KCNIP4: variants seen among roughly 807,000 people sequenced by gnomAD.
KCNIP4 encodes potassium voltage-gated channel interacting protein 4, also known as Kv channel-interacting protein 4.
KCNIP4 carries 12 observed loss-of-function variants against 34.0 expected under a neutral mutation model. The ratio of observed to expected loss-of-function variants is 0.35; its 90% CI spans 0.23 to 0.57. The LOEUF is 0.57. KCNIP4 is among the 20% of genes least tolerant of loss of function. The pLI is 0.83. For synonymous variants in KCNIP4, 124 were observed against 102.2 expected, an observed-to-expected ratio of 1.21 and a Z score of -1.29; for missense variants, 238 against 311.7, an observed-to-expected ratio of 0.76 and a Z score of 1.78.
At chr4:21,723,288 G>T (rs947455777) in intron 1 of KCNIP4, among the ~76,000 whole-genome samples, 35 of 152,088 alleles carry the variant, frequency 2.3e-4, no homozygotes, top group African/African-American at 8.4e-4. Context: ...CCTTTGAGTG[G>T]ACAGGGTCCC....
intron 1 of KCNIP4, among the ~76,000 whole-genome samples, chr4:21,176,764 A>G (rs1754442865): frequency 6.6e-6 from 1 of 152,066 alleles, no homozygotes; most frequent in South Asian, 2.1e-4. Flanking sequence ...TGGGTGACCC[A>G]CCCACCTCGG....
chr4:21,212,867 T>C (rs1341261109), intron 1 of KCNIP4, among the ~76,000 whole-genome samples: 2 of 152,194 alleles, frequency 1.3e-5, no homozygotes, highest in Admixed American at 6.5e-5. Flanking sequence ...TTCAGACCAC[T>C]GCAATATCTA....
intron 1 of KCNIP4, among the ~76,000 whole-genome samples, chr4:21,521,106 T>A (rs1735486374): frequency 6.6e-6 from 1 of 152,142 alleles, no homozygotes; most frequent in Non-Finnish European, 1.5e-5. Context: ...ACACCCAGCT[T>A]TGAAACACAG....
At chr4:21,439,078 C>T (rs1380037507) in intron 1 of KCNIP4, among the ~76,000 whole-genome samples, 9 of 149,974 alleles carry the variant, frequency 6.0e-5, no homozygotes, top group Non-Finnish European at 1.0e-4. Flanking sequence ...AGGAGAATGG[C>T]GTGAACCTGG....
At chr4:21,942,020 G>A (rs1282126186) in intron 1 of KCNIP4, among the ~76,000 whole-genome samples, 1 of 152,138 alleles carries the variant, frequency 6.6e-6, no homozygotes, top group Non-Finnish European at 1.5e-5. Context: ...TACAGCCACA[G>A]CAATGACAGC....
intron 1 of KCNIP4, among the ~76,000 whole-genome samples, chr4:21,819,023 C>G (rs998068650): frequency 1.3e-5 from 2 of 152,190 alleles, no homozygotes; most frequent in East Asian, 1.9e-4. Flanking sequence ...AGCATGACCA[C>G]ACTTTAAGCC....
intron 1 of KCNIP4, among the ~76,000 whole-genome samples, chr4:21,456,947 A>G (rs1008243097): frequency 6.6e-6 from 1 of 152,040 alleles, no homozygotes; most frequent in African/African-American, 2.4e-5. Context: ...GCTCCAGGCT[A>G]TCTTGAGCTG....
At chr4:21,754,027 A>T (rs1268491996) in intron 1 of KCNIP4, among the ~76,000 whole-genome samples, 4 of 152,214 alleles carry the variant, frequency 2.6e-5, no homozygotes, top group Admixed American at 6.5e-5. Flanking sequence ...CCAACGAATG[A>T]GACAGAAGTG....
chr4:21,231,107 C>A (rs1248936592), intron 1 of KCNIP4, among the ~76,000 whole-genome samples: 1 of 152,144 alleles, frequency 6.6e-6, no homozygotes, highest in Non-Finnish European at 1.5e-5. Context: ...TGTACATCCT[C>A]ATTCTTAATT....
At chr4:21,492,867 C>T (rs1162959912) in intron 1 of KCNIP4, among the ~76,000 whole-genome samples, 2 of 152,140 alleles carry the variant, frequency 1.3e-5, no homozygotes, top group Admixed American at 6.5e-5. Context: ...AATGTCTCCC[C>T]TGCAGTTTCC....
At chr4:21,828,566 C>T (rs1441552621) in intron 1 of KCNIP4, among the ~76,000 whole-genome samples, 9 of 151,562 alleles carry the variant, frequency 5.9e-5, no homozygotes, top group Non-Finnish European at 1.0e-4. Context: ...TGGCAGTAAA[C>T]CTAAAAAATG....
chr4:20,920,718 A>G (rs1258335796), intron 1 of KCNIP4, among the ~76,000 whole-genome samples: 1 of 152,170 alleles, frequency 6.6e-6, no homozygotes, highest in Non-Finnish European at 1.5e-5. Context: ...GGGGCCGGGC[A>G]CGGTGGCTCA....
At chr4:21,820,148 G>A (rs1455117783) in intron 1 of KCNIP4, among the ~76,000 whole-genome samples, 1 of 151,180 alleles carries the variant, frequency 6.6e-6, no homozygotes, top group South Asian at 2.1e-4. Context: ...AAAATTAGAT[G>A]TCTCCTTGAA....
chr4:20,798,259 G>C (rs1713740404), intron 3 of KCNIP4, among the ~76,000 whole-genome samples: 1 of 152,166 alleles, frequency 6.6e-6, no homozygotes, highest in Non-Finnish European at 1.5e-5. Flanking sequence ...TACACATACT[G>C]CAGATACTCT....
chr4:21,151,502 C>T (rs1752758632), intron 1 of KCNIP4, among the ~76,000 whole-genome samples: 1 of 146,222 alleles, frequency 6.8e-6, no homozygotes, highest in East Asian at 2.0e-4. Flanking sequence ...GTGGCCTCTC[C>T]TGCTTTGCAG....
chr4:21,876,158 T>C (rs1317806104), intron 1 of KCNIP4, among the ~76,000 whole-genome samples: 1 of 152,180 alleles, frequency 6.6e-6, no homozygotes, highest in Non-Finnish European at 1.5e-5. Context: ...AATTGTGACA[T>C]AGTGATACAC....
intron 5 of KCNIP4, among the ~76,000 whole-genome samples, chr4:20,738,002 C>G (rs1222155145): frequency 6.6e-6 from 1 of 151,960 alleles, no homozygotes; most frequent in African/African-American, 2.4e-5. Context: ...TATGGTGGTG[C>G]ACACCTGTTG....
At chr4:21,177,719 G>C (rs1754519174) in intron 1 of KCNIP4, among the ~76,000 whole-genome samples, 1 of 151,566 alleles carries the variant, frequency 6.6e-6, no homozygotes, top group Non-Finnish European at 1.5e-5. Context: ...AAATTAGCCG[G>C]GCATGGTGGT....
At chr4:21,212,638 T>C (rs964699989) in intron 1 of KCNIP4, among the ~76,000 whole-genome samples, 4 of 152,144 alleles carry the variant, frequency 2.6e-5, no homozygotes, top group Non-Finnish European at 5.9e-5. Context: ...CTGGCAGATA[T>C]GGCATCTGGT....
Sources: gnomAD v4.1 joint callset for allele counts (sites outside exome capture counted in the v4.1 genomes callset) on GRCh38, gnomAD v4.1.1 for gene constraint, MANE v1.5 for transcripts, NCBI Gene and HGNC (gene_info 2026-07-23, HGNC 2026-07-21) for gene names.